Variants in ANO6 observed in about 807,000 individuals in gnomAD.
The protein encoded by ANO6 is anoctamin 6, also known as anoctamin-6.
In ANO6, 106 loss-of-function variants were observed where a neutral mutation model predicts 117.5. That is an observed-to-expected ratio of 0.90 (90% CI 0.77 to 1.06). The LOEUF is 1.06. Ranked by LOEUF, ANO6 falls within the 50% of genes least tolerant of loss-of-function variation. The pLI, the probability that ANO6 is intolerant of heterozygous loss-of-function variation, is 0.00. For missense variants in ANO6, 955 were observed against 1,121.1 expected (o/e 0.85, Z 2.12); for synonymous variants, 367 against 385.1 (o/e 0.95, Z 0.55).
At chr12:45,216,721 C>G (rs1297819950) in intron 1 of ANO6, among the ~76,000 whole-genome samples, 1 of 152,234 alleles carries the variant, frequency 6.6e-6, no homozygotes, top group African/African-American at 2.4e-5. Context: ...GTCACTTCCC[C>G]GACTCGCAGA....
intron 1 of ANO6, among the ~76,000 whole-genome samples, chr12:45,241,704 CTT>C (rs1045214120): frequency 6.6e-6 from 1 of 152,192 alleles, no homozygotes; most frequent in African/African-American, 2.4e-5. Context: ...TACCTTTGGT[CTT>C]TGATGTTGGT....
At chr12:45,363,580 A>T (rs1276323999) in intron 8 of ANO6, among the ~76,000 whole-genome samples, 2 of 152,012 alleles carry the variant, frequency 1.3e-5, no homozygotes, top group Non-Finnish European at 2.9e-5. Flanking sequence ...AAAAAAAAGA[A>T]AAAAGGGTGT....
At chr12:45,216,900 G>T (rs922333823) in intron 1 of ANO6, among the ~76,000 whole-genome samples, 1 of 152,188 alleles carries the variant, frequency 6.6e-6, no homozygotes, top group Non-Finnish European at 1.5e-5. Context: ...GCCCCGGGAA[G>T]TGATTTGTGG....
rs1158806483 is a variant in ANO6, at chr12:45,302,094, G to C, written c.150+1G>C. On this transcript the variant is annotated splice_donor_variant, in intron 2 of 19. Coordinates refer to ENST00000320560, the MANE Select transcript of ANO6 (RefSeq NM_001025356.3). LOFTEE classifies it high-confidence loss of function. ...GCATGATTTTCGAACCCCGGAGTTT[G>C]TGAGTACTATTCCTTTATCTTAAAT... 14 of 1,613,046 alleles carry C rather than the reference G, an allele frequency of 8.7e-6. No homozygotes were observed. The highest frequency in any genetic ancestry group is 1.2e-5 in the Non-Finnish European group (14 of 1,179,192).
intron 1 of ANO6, among the ~76,000 whole-genome samples, chr12:45,280,813 T>A (rs1938700829): frequency 1.3e-5 from 2 of 151,976 alleles, no homozygotes; most frequent in Non-Finnish European, 2.9e-5. Flanking sequence ...TTATCTCCCT[T>A]CCTCCAAAAA....
At chr12:45,321,996 G>C (rs1940291453) in intron 2 of ANO6, among the ~76,000 whole-genome samples, 1 of 152,128 alleles carries the variant, frequency 6.6e-6, no homozygotes, top group South Asian at 2.1e-4. Context: ...AGAATGCCTG[G>C]TAGTCCAGTC....
At chr12:45,331,193 T>G in intron 2 of ANO6, 102 bp from the exon 3 acceptor site, 2 of 1,067,010 alleles carry the variant, frequency 1.9e-6, no homozygotes, top group Non-Finnish European at 2.7e-6. Flanking sequence ...TGGATGTATT[T>G]CTCTTTCACA....
At chr12:45,302,214 A>T (rs955912731) in intron 2 of ANO6, 121 bp downstream of exon 2, 9 of 883,282 alleles carry the variant, frequency 1.0e-5, no homozygotes, top group Non-Finnish European at 1.7e-5. Context: ...CATAGATCTT[A>T]TTGCAGGGAC....
chr12:45,254,755 G>GT (rs1185409876), intron 1 of ANO6, among the ~76,000 whole-genome samples: 1 of 152,216 alleles, frequency 6.6e-6, no homozygotes, highest in African/African-American at 2.4e-5. Flanking sequence ...TTACAGATAT[G>GT]TAAGATTATA....
Position 45,292,993 on chromosome 12 carries a change from G to A in ANO6, c.71-9021G>A, listed in dbSNP as rs142125321. The A allele has an allele frequency of 5.1e-5, 78 of 1,543,288 alleles. 1 individual carries two copies. The South Asian group carries it at 6.7e-4, about 13-fold the overall frequency. ...AACAGTGAGCAGTGGGCAGAGTGCCGGGGAGGCTCCTTTTTTATAAATATT... is the reference window on the plus strand; with the variant it reads ...AACAGTGAGCAGTGGGCAGAGTGCCAGGGAGGCTCCTTTTTTATAAATATT... On this transcript the variant is annotated intron_variant, in intron 1 of 19. Transcript: ENST00000320560.
intron 8 of ANO6, among the ~76,000 whole-genome samples, chr12:45,359,094 C>G (rs904305089): frequency 3.9e-5 from 6 of 152,158 alleles, no homozygotes; most frequent in African/African-American, 1.2e-4. Flanking sequence ...CTTATGCCCC[C>G]TTTTAAAAAT....
intron 1 of ANO6, among the ~76,000 whole-genome samples, chr12:45,278,011 G>A (rs1938606588): frequency 6.6e-6 from 1 of 152,032 alleles, no homozygotes; most frequent in Middle Eastern, 3.4e-3. Flanking sequence ...TGGAGTAGGT[G>A]GCACAATCAT....
At chr12:45,253,581 A>T (rs2137193124) in intron 1 of ANO6, among the ~76,000 whole-genome samples, 1 of 152,320 alleles carries the variant, frequency 6.6e-6, no homozygotes, top group Non-Finnish European at 1.5e-5. Context: ...TACAACAAGG[A>T]TTTAAGGCCT....
intron 1 of ANO6, among the ~76,000 whole-genome samples, chr12:45,281,643 C>G (rs937695651): frequency 6.6e-6 from 1 of 152,164 alleles, no homozygotes; most frequent in African/African-American, 2.4e-5. Flanking sequence ...AGACATCTAC[C>G]CCCATGGTCC....
intron 1 of ANO6, among the ~76,000 whole-genome samples, chr12:45,242,040 G>A (rs1308104153): frequency 6.6e-6 from 1 of 152,228 alleles, no homozygotes; most frequent in Non-Finnish European, 1.5e-5. Context: ...ACCCACTTGT[G>A]GAGGCGGTCT....
intron 10 of ANO6, among the ~76,000 whole-genome samples, chr12:45,378,855 A>G (rs1942098927): frequency 6.6e-6 from 1 of 152,204 alleles, no homozygotes; most frequent in Non-Finnish European, 1.5e-5. Context: ...ATATTTAATG[A>G]GTATCTGCTA....
At chr12:45,303,795 C>T (rs1008455721) in intron 2 of ANO6, among the ~76,000 whole-genome samples, 1 of 152,222 alleles carries the variant, frequency 6.6e-6, no homozygotes, top group Admixed American at 6.5e-5. Flanking sequence ...TATTGAAAGA[C>T]TTGTTTTCAC....
At chr12:45,381,921 G>A (rs1395553119) in intron 10 of ANO6, among the ~76,000 whole-genome samples, 1 of 151,896 alleles carries the variant, frequency 6.6e-6, no homozygotes, top group Non-Finnish European at 1.5e-5. Context: ...TATAGATACT[G>A]AGATAGATAC....
chr12:45,242,507 T>A (rs989332787), intron 1 of ANO6, among the ~76,000 whole-genome samples: 1 of 152,262 alleles, frequency 6.6e-6, no homozygotes, highest in Non-Finnish European at 1.5e-5. Flanking sequence ...GAAAGGGAAA[T>A]CCCCCGACCC....
Sources: gnomAD v4.1 joint callset for allele counts (sites outside exome capture counted in the v4.1 genomes callset) on GRCh38, gnomAD v4.1.1 for gene constraint, MANE v1.5 for transcripts, NCBI Gene and HGNC (gene_info 2026-07-23, HGNC 2026-07-21) for gene names.